Variants in PSMC3 observed in about 807,000 individuals in gnomAD.
PSMC3 encodes proteasome 26S subunit, ATPase 3.
In PSMC3, 11 loss-of-function variants were observed where a neutral mutation model predicts 52.0. The ratio of observed to expected loss-of-function variants is 0.21; its 90% CI spans 0.13 to 0.35. PSMC3 has a LOEUF of 0.35. Ranked by LOEUF, PSMC3 falls within the 10% of genes least tolerant of loss-of-function variation. The pLI is 1.00. For synonymous variants in PSMC3, 201 were observed against 218.8 expected, an observed-to-expected ratio of 0.92 and a Z score of 0.72; for missense variants, 238 against 567.1, an observed-to-expected ratio of 0.42 and a Z score of 5.89.
At position 47,424,437 on chromosome 11, in the gene PSMC3, C is replaced by A; in HGVS notation, c.445G>T (p.Asp149Tyr). Residue 149 changes from aspartate to tyrosine, a missense_variant, in exon 5 of 12, where the codon GAC becomes TAC. By Grantham distance (160) the Asp-to-Tyr change is radical. This residue lies in a region of PSMC3 where 60 missense variants were observed against 117.3 expected (regional missense o/e 0.51). Transcript: ENST00000298852. This position sits in a 1 kb window ranked among gnomAD's most constrained non-coding sequence, Gnocchi z 4.8. ...LVDAEKLKPG[D>Y]LVGVNKDSYL... ...GCTCAGGCCCCACTCACCACCAGGT[C>A]TCCTGGCTTTAGCTTTTCAGCATCC... 6.2e-7 allele frequency: 1 copy of A among 1,614,198 alleles called. No homozygotes were observed. The highest frequency in any genetic ancestry group is 8.5e-7 in the Non-Finnish European group (1 of 1,180,018).
At chr11:47,419,564 A>T (rs1017417353) in intron 10 of PSMC3, among the ~76,000 whole-genome samples, 2 of 152,166 alleles carry the variant, frequency 1.3e-5, no homozygotes, top group Non-Finnish European at 2.9e-5. Context: ...CCCAAATAAG[A>T]AAAGTGAGGC....
chr11:47,424,919 A>G lies in PSMC3; in HGVS notation c.285+202T>C, dbSNP rs987569364. Among the ~76,000 whole-genome samples, 45 of 152,060 alleles carry G rather than the reference A, an allele frequency of 3.0e-4. No homozygotes were observed. Among genetic ancestry groups the G allele is most frequent in the African/African-American group, 1.1e-3 (45 of 41,366 alleles). ...ACAGGGCTCATCTACCCCGGAGGAGACATAACCAACAGAAAAGGAGACACG... is the reference window on the plus strand; with the variant it reads ...ACAGGGCTCATCTACCCCGGAGGAGGCATAACCAACAGAAAAGGAGACACG... On this transcript the variant is annotated intron_variant, in intron 3 of 11. Transcript: ENST00000298852. The surrounding 1 kb of genome is among the most constrained non-coding windows in gnomAD (Gnocchi z 4.8).
chr11:47,424,844 G>GC lies in PSMC3; in HGVS notation c.286-134dup, dbSNP rs1225549287. On this transcript the variant is annotated intron_variant, in intron 3 of 11. Transcript: ENST00000298852. The surrounding 1 kb of genome is among the most constrained non-coding windows in gnomAD (Gnocchi z 4.8). ...AGCCCTGAGCCCACCAAACGTGGGT[G>GC]CCCCTGCTAAGCCCAGGGATTGATC... The GC allele has an allele frequency of 2.3e-6, 2 of 886,108 alleles. No individual in the cohort carries two copies. The highest frequency in any genetic ancestry group is 3.3e-5 in the African/African-American group (2 of 60,274). The allele number at this position is 886,108 out of a possible 1,614,324, so 54.9% of individuals were successfully genotyped here.
intron 2 of PSMC3, chr11:47,425,492 A>C: frequency 1.7e-6 from 1 of 584,730 alleles, no homozygotes. Context: ...CGAGAGAGGC[A>C]AACATAGGTT....
intron 1 of PSMC3, 45 bp from the exon 2 acceptor site, chr11:47,425,995 G>T: frequency 6.4e-7 from 1 of 1,561,190 alleles, no homozygotes; most frequent in Non-Finnish European, 8.8e-7. Flanking sequence ...TTTTACTCAG[G>T]ACAAGCATCC....
At chr11:47,425,486 A>G (rs946713194) in intron 2 of PSMC3, 107 of 587,974 alleles carry the variant, frequency 1.8e-4, no homozygotes, top group Non-Finnish European at 2.7e-5. Context: ...GGCCTCCGAG[A>G]GAGGCAAACA....
Position 47,426,327 on chromosome 11 carries a change from G to A in PSMC3, c.-48C>T, listed in dbSNP as rs2096046458. Reference sequence around the variant, plus strand: ...ATGGGACCAGGCGGGAGCCGCAACGGGAGATTAATACCGTCTTTCTTAAAG... The same window carrying A: ...ATGGGACCAGGCGGGAGCCGCAACGAGAGATTAATACCGTCTTTCTTAAAG... On this transcript the variant is annotated 5_prime_UTR_variant, in exon 1 of 12. Transcript: ENST00000298852. The A allele has an allele frequency of 6.8e-7, 1 of 1,468,838 alleles. No individual in the cohort carries two copies. The highest frequency in any genetic ancestry group is 9.3e-7 in the Non-Finnish European group (1 of 1,079,496). 91.0% of individuals were successfully genotyped at this position (1,468,838 alleles called of 1,614,324 possible).
rs1481644699 is a variant in PSMC3 at position 47,424,951 on chromosome 11, C to T, written c.285+170G>A. Among the ~76,000 whole-genome samples the T allele has an allele frequency of 6.6e-6, 1 of 152,140 alleles. No homozygotes were observed. The highest frequency in any genetic ancestry group is 2.4e-5 in the African/African-American group (1 of 41,418). Reference sequence around the variant, plus strand: ...CAACAGAAAAGGAGACACGTGAGACCTCCCAGGACTTTGCAGGCCCCGTCT... The same window carrying T: ...CAACAGAAAAGGAGACACGTGAGACTTCCCAGGACTTTGCAGGCCCCGTCT... On this transcript the variant is annotated intron_variant, in intron 3 of 11. Transcript: ENST00000298852. The surrounding 1 kb of genome is among the most constrained non-coding windows in gnomAD (Gnocchi z 4.8).
In PSMC3 at chr11:47,419,288, A is replaced by G. The variant is rs1394797200; in HGVS notation, c.1128-91T>C. 6 of 1,379,316 alleles carry G rather than the reference A, an allele frequency of 4.3e-6. No individual in the cohort carries two copies. The East Asian group carries it at 9.2e-5, about 21-fold the overall frequency. The allele number at this position is 1,379,316 out of a possible 1,614,324, so 85.4% of individuals were successfully genotyped here. ...CTCCCCTGGCCCCGTCAAGCAACAA[A>G]GTCAAGTTGCCCTGTGATCAGAGGC... On this transcript the variant is annotated intron_variant, in intron 10 of 11. Transcript: ENST00000298852.
rs1172463736 is a variant in PSMC3, at chr11:47,425,777, G to A, written c.159+90C>T. ...GCCCGAGCCCCATGTCTCCCCCAGG[G>A]TGCCCGATTAGGAAGTACGAGAGGC... On this transcript the variant is annotated intron_variant, in intron 2 of 11. Transcript: ENST00000298852. 4 of 1,140,426 alleles carry A rather than the reference G, an allele frequency of 3.5e-6. No homozygotes were observed. The East Asian group carries it at 7.3e-5, about 21-fold the overall frequency. The allele number at this position is 1,140,426 out of a possible 1,614,324, so 70.6% of individuals were successfully genotyped here.
intron 10 of PSMC3, among the ~76,000 whole-genome samples, chr11:47,419,791 G>A (rs530781871): frequency 5.3e-5 from 8 of 151,952 alleles, no homozygotes; most frequent in East Asian, 1.9e-4. Flanking sequence ...CCCAGGAGGC[G>A]GAGCTTGCAG....
intron 8 of PSMC3, among the ~76,000 whole-genome samples, chr11:47,421,684 ACT>A (rs2153303808): frequency 1.2e-5 from 1 of 82,124 alleles, no homozygotes; most frequent in South Asian, 4.5e-4. Flanking sequence ...ACAGAGGCTC[ACT>A]CTGTCATCCA....
At position 47,425,042 on chromosome 11, in the gene PSMC3, C is replaced by T. The variant is rs939440738; in HGVS notation, c.285+79G>A. On this transcript the variant is annotated intron_variant, in intron 3 of 11. Coordinates refer to ENST00000298852, the MANE Select transcript of PSMC3 (RefSeq NM_002804.5). ...AGTTTGGCCTCAATACCTCCACCCA[C>T]TCTTTCCCTAGTGGCCCCACCCCAG... 12 of 1,592,482 alleles carry T rather than the reference C, an allele frequency of 7.5e-6. No homozygotes were observed. In the African/African-American group the frequency reaches 1.6e-4, roughly 21 times the overall value.
At chr11:47,419,545 T>A (rs925767236) in intron 10 of PSMC3, among the ~76,000 whole-genome samples, 1 of 152,030 alleles carries the variant, frequency 6.6e-6, no homozygotes, top group Non-Finnish European at 1.5e-5. Flanking sequence ...AGTGCTATCA[T>A]CCCCAAGTCC....
chr11:47,421,748 G>A (rs1037233591), intron 8 of PSMC3, among the ~76,000 whole-genome samples: 1 of 151,358 alleles, frequency 6.6e-6, no homozygotes, highest in Non-Finnish European at 1.5e-5. Flanking sequence ...CGCCTCCCAA[G>A]TTCAAGTGAT....
Position 47,426,216 on chromosome 11 carries a change from C to G in PSMC3, c.64G>C (p.Asp22His). The change falls in exon 1 of 12, where the codon GAT becomes CAT. Residue 22 changes from aspartate (D) to histidine (H), a missense_variant. Around this residue, in one of 6 missense-constraint regions of PSMC3, gnomAD observed 48 missense variants for 63.4 expected, o/e 0.76. Coordinates refer to ENST00000298852, the MANE Select transcript of PSMC3 (RefSeq NM_002804.5). ...TRQEKMATVW[D>H]EAEQDGIGEE... ...CGCCCGGTGCCCACCTCGGCCTCAT[C>G]CCACACGGTCGCCATCTTCTCCTGC... The G allele has an allele frequency of 1.9e-6, 3 of 1,559,928 alleles. No individual in the cohort carries two copies. The highest frequency in any genetic ancestry group is 2.6e-6 in the Non-Finnish European group (3 of 1,152,778).
At chr11:47,420,220 T>C (rs1452715729) in intron 10 of PSMC3, 44 bp downstream of exon 10, 2 of 1,602,734 alleles carry the variant, frequency 1.2e-6, no homozygotes, top group Non-Finnish European at 1.7e-6. Context: ...GACATCCTCC[T>C]GCGCCTGTTC....
rs200663661 is a variant in PSMC3 at position 47,425,261 on chromosome 11, G to A, written c.160-15C>T. 1.2e-6 allele frequency: 2 copies of A among 1,613,802 alleles called. No homozygotes were observed. The highest frequency in any genetic ancestry group is 1.1e-5 in the South Asian group (1 of 91,066). ...CTCTTCATGATCTGAGATCAGGAGG[G>A]GAGGAGAAGCAAATATAAACCCTGG... On this transcript the variant is annotated splice_polypyrimidine_tract_variant and intron_variant, in intron 2 of 11. Transcript: ENST00000298852.
intron 10 of PSMC3, 92 bp from the exon 11 acceptor site, chr11:47,419,289 G>C (rs2096037113): frequency 7.3e-7 from 1 of 1,370,866 alleles, no homozygotes; most frequent in African/African-American, 1.4e-5. Flanking sequence ...AAGCAACAAA[G>C]TCAAGTTGCC....
Sources: allele counts gnomAD v4.1 joint callset (sites outside exome capture counted in the v4.1 genomes callset), GRCh38; gene constraint gnomAD v4.1.1; regional missense constraint gnomAD v4.1.1; non-coding constraint Gnocchi (gnomAD v3.1); transcripts MANE v1.5; gene names NCBI Gene and HGNC (gene_info 2026-07-23, HGNC 2026-07-21).